The following CLCN7 variants were observed in gnomAD, a reference collection of about 807,000 sequenced individuals.
CLCN7 encodes H(+)/Cl(-) exchange transporter 7.
CLCN7 carries 60 observed loss-of-function variants against 102.1 expected under a neutral mutation model. The observed-to-expected ratio is 0.59, with a 90% CI of 0.48 to 0.73. The LOEUF is 0.73. Ranked by LOEUF, CLCN7 falls within the 30% of genes least tolerant of loss-of-function variation. CLCN7 has a pLI of 0.00. For missense variants in CLCN7, 962 were observed against 1,125.7 expected (o/e 0.85, Z 2.08); for synonymous variants, 560 against 490.5 (o/e 1.14, Z -1.87).
Position 1,460,938 on chromosome 16 carries a change from G to A in CLCN7, c.362C>T (p.Thr121Met). The A allele has an allele frequency of 6.2e-7, 1 of 1,613,452 alleles. No individual in the cohort carries two copies. Among genetic ancestry groups the A allele is most frequent in the South Asian group, 1.1e-5 (1 of 91,084 alleles). The change falls in exon 5 of 25, where the codon ACG becomes ATG. Residue 121 changes from threonine to methionine, a missense_variant. Physicochemically the swap from Thr to Met is moderately conservative, Grantham distance 81. Around this residue, in one of 2 missense-constraint regions of CLCN7, gnomAD observed 799 missense variants for 988.0 expected, o/e 0.81. Coordinates refer to ENST00000382745, the MANE Select transcript of CLCN7 (RefSeq NM_001287.6). ...ERRINHTAFR[T>M]VEIKRWVICA... Reference sequence around the variant, plus strand: ...GATGACCCAGCGCTTGATCTCCACCGTCCGGAAGGCCTGCAGGGCGCGGTC... The same window carrying A: ...GATGACCCAGCGCTTGATCTCCACCATCCGGAAGGCCTGCAGGGCGCGGTC...
Position 1,451,480 on chromosome 16 carries a change from A to G in CLCN7, c.1447+143T>C. 2 of 678,546 alleles carry G rather than the reference A, an allele frequency of 2.9e-6. 1 individual carries two copies. The highest frequency in any genetic ancestry group is 3.3e-5 in the South Asian group (2 of 59,756). 42.0% of individuals were successfully genotyped at this position (678,546 alleles called of 1,614,324 possible). A position where few individuals can be genotyped will look rare whatever the true frequency, so the allele number is the denominator to read the frequency against. Reference sequence around the variant, plus strand: ...TGGTCTCTCCAAGTGCTGGGATTACAGGAGTGAGTCCCTGCTATGATCCAT... The same window carrying G: ...TGGTCTCTCCAAGTGCTGGGATTACGGGAGTGAGTCCCTGCTATGATCCAT... On this transcript the variant is annotated intron_variant, in intron 16 of 24. Coordinates refer to ENST00000382745, the MANE Select transcript of CLCN7 (RefSeq NM_001287.6).
At chr16:1,453,800 T>A in intron 14 of CLCN7, 34 bp downstream of exon 14, 1 of 1,609,056 alleles carries the variant, frequency 6.2e-7, no homozygotes, top group Non-Finnish European at 8.5e-7. Flanking sequence ...TGGCCACGCC[T>A]GCCAACGCGA....
intron 2 of CLCN7, among the ~76,000 whole-genome samples, chr16:1,463,504 C>T (rs1007965593): frequency 2.0e-5 from 3 of 152,176 alleles, no homozygotes; most frequent in African/African-American, 7.2e-5. Context: ...AGACAGGGTC[C>T]CGTCTGTCAC....
chr16:1,468,510 A>T (rs1053838232), intron 1 of CLCN7, among the ~76,000 whole-genome samples: 2 of 152,198 alleles, frequency 1.3e-5, no homozygotes, highest in African/African-American at 4.8e-5. Flanking sequence ...TCTTTTTTAA[A>T]TGCAAGCTCT....
Position 1,446,560 on chromosome 16 carries a change from A to T in CLCN7, c.*71T>A. ...GGAGCATGGTTTGGGCCGAGAAACC[A>T]GTGACTCCGGGAGGAAATGCAGAAG... On this transcript the variant is annotated 3_prime_UTR_variant, in exon 25 of 25. Coordinates refer to ENST00000382745, the MANE Select transcript of CLCN7 (RefSeq NM_001287.6). 1 of 1,366,636 alleles carries T rather than the reference A, an allele frequency of 7.3e-7. No homozygotes were observed. Among genetic ancestry groups the T allele is most frequent in the Non-Finnish European group, 1.0e-6 (1 of 980,316 alleles). 84.7% of individuals were successfully genotyped at this position (1,366,636 alleles called of 1,614,324 possible).
intron 24 of CLCN7, 40 bp downstream of exon 24, chr16:1,446,966 C>T (rs983938907): frequency 9.2e-6 from 14 of 1,516,188 alleles, no homozygotes; most frequent in Non-Finnish European, 1.2e-5. Context: ...CAGAGGGGAG[C>T]CCTGCACGGC....
At chr16:1,470,031 G>A (rs1432412757) in intron 1 of CLCN7, among the ~76,000 whole-genome samples, 2 of 152,268 alleles carry the variant, frequency 1.3e-5, no homozygotes, top group African/African-American at 2.4e-5. Flanking sequence ...AGATGGCAAC[G>A]AGGGGGCTGG....
Position 1,448,962 on chromosome 16 carries a change from G to A in CLCN7, c.1797+4C>T, listed in dbSNP as rs200682842. On this transcript the variant is annotated splice_donor_region_variant and intron_variant, in intron 19 of 24. Coordinates refer to ENST00000382745, the MANE Select transcript of CLCN7 (RefSeq NM_001287.6). ...CAGGGTGAGGCTTCGAGGCCCTGGC[G>A]CACCTCAATGAAGACGTCGCCCACG... 21 of 1,612,180 alleles carry A rather than the reference G, an allele frequency of 1.3e-5. No homozygotes were observed. Among genetic ancestry groups the A allele is most frequent in the Middle Eastern group, 1.6e-4 (1 of 6,080 alleles).
chr16:1,473,915 T>C (rs2039114264), intron 1 of CLCN7, among the ~76,000 whole-genome samples: 1 of 151,618 alleles, frequency 6.6e-6, no homozygotes, highest in African/African-American at 2.4e-5. Context: ...AGGAACCCCG[T>C]CTCTACTAAA....
chr16:1,455,823 C>T, intron 10 of CLCN7, 28 bp from the exon 11 acceptor site: 1 of 1,610,938 alleles, frequency 6.2e-7, no homozygotes, highest in African/African-American at 1.3e-5. Context: ...GGCTCGGGTG[C>T]CAGCTGGACA....
At chr16:1,473,943 G>C (rs2039114702) in intron 1 of CLCN7, among the ~76,000 whole-genome samples, 1 of 152,052 alleles carries the variant, frequency 6.6e-6, no homozygotes, top group Non-Finnish European at 1.5e-5. Flanking sequence ...AATTAGCCGG[G>C]CGCGGTGGCG....
chr16:1,459,218 C>T, intron 6 of CLCN7, 31 bp from the exon 7 acceptor site: 2 of 1,597,928 alleles, frequency 1.3e-6, no homozygotes, highest in Non-Finnish European at 1.7e-6. Flanking sequence ...CTGAGTGGGT[C>T]ACGGCCAGGC....
At position 1,452,768 on chromosome 16, in the gene CLCN7, G is replaced by A; in HGVS notation, c.1340C>T (p.Ser447Phe). The change falls in exon 15 of 25, where the codon TCC (serine) becomes TTC (phenylalanine). Residue 447 changes from serine (S) to phenylalanine (F), a missense_variant. Transcript: ENST00000382745. The part of the protein sequence containing the change: ...DCQPLQGGSM[S>F]YPLQLFCADG... ...CCAGCCTCCCACCTGCAGCGGGTAGGACATGGAGCCCCCCTGCAGGGGCTG... is the reference window on the plus strand; with the variant it reads ...CCAGCCTCCCACCTGCAGCGGGTAGAACATGGAGCCCCCCTGCAGGGGCTG... The A allele has an allele frequency of 6.2e-7, 1 of 1,603,242 alleles. No individual in the cohort carries two copies. Among genetic ancestry groups the A allele is most frequent in the Non-Finnish European group, 8.5e-7 (1 of 1,175,548 alleles).
Position 1,452,901 on chromosome 16 carries a change from C to T in CLCN7, c.1215-8G>A. ...CAGGGCCGGTGGATGTACCTGGAACCAAGAATCAGGCTGCATGGCAGGCAG... is the reference window on the plus strand; with the variant it reads ...CAGGGCCGGTGGATGTACCTGGAACTAAGAATCAGGCTGCATGGCAGGCAG... On this transcript the variant is annotated splice_polypyrimidine_tract_variant and splice_region_variant and intron_variant, in intron 14 of 24. Coordinates refer to ENST00000382745, the MANE Select transcript of CLCN7 (RefSeq NM_001287.6). 2 of 1,563,770 alleles carry T rather than the reference C, an allele frequency of 1.3e-6. No individual in the cohort carries two copies. The highest frequency in any genetic ancestry group is 1.7e-6 in the Non-Finnish European group (2 of 1,154,464).
chr16:1,464,258 A>G (rs947027284), intron 2 of CLCN7, among the ~76,000 whole-genome samples: 1 of 152,188 alleles, frequency 6.6e-6, no homozygotes, highest in African/African-American at 2.4e-5. Flanking sequence ...CATAACCAAC[A>G]CGCGTGTGGC....
At position 1,465,254 on chromosome 16, in the gene CLCN7, A is replaced by G. The variant is rs917715137; in HGVS notation, c.213+13T>C. 4.3e-5 allele frequency: 70 copies of G among 1,611,486 alleles called. No individual in the cohort carries two copies. The highest frequency in any genetic ancestry group is 5.4e-5 in the Non-Finnish European group (64 of 1,178,408). ...CTAGCTCTGCGGGAGGACGGGGAAC[A>G]CCCCCAACTCACCGGGTCCAAAAGT... On this transcript the variant is annotated intron_variant, in intron 2 of 24. Coordinates refer to ENST00000382745, the MANE Select transcript of CLCN7 (RefSeq NM_001287.6).
In CLCN7 at chr16:1,474,927, G is replaced by A. The variant is rs1323328640; in HGVS notation, c.48C>T (p.Asp16=). 4.1e-6 allele frequency: 6 copies of A among 1,477,536 alleles called. No homozygotes were observed. Among genetic ancestry groups the A allele is most frequent in the African/African-American group, 1.5e-5 (1 of 68,242 alleles). 91.5% of individuals were successfully genotyped at this position (1,477,536 alleles called of 1,614,324 possible). ...KKVSWSGRDR[D]DEEAAPLLRR... The stretch of plus-strand genomic sequence containing the variant: ...GCAGCAGCGGCGCCGCCTCCTCGTC[G>A]TCCCGGTCCCGGCCGGACCAGGACA... The change falls in exon 1 of 25, where the codon GAC becomes GAT. Residue 16 remains aspartate (D), a synonymous_variant. Transcript: ENST00000382745.
chr16:1,473,762 A>C (rs2039111815), intron 1 of CLCN7, among the ~76,000 whole-genome samples: 1 of 152,104 alleles, frequency 6.6e-6, no homozygotes, highest in African/African-American at 2.4e-5. Flanking sequence ...ATTAAGACCC[A>C]TCAACAAAAC....
chr16:1,453,756 C>A, intron 14 of CLCN7, 78 bp downstream of exon 14: 1 of 1,361,848 alleles, frequency 7.3e-7, no homozygotes. Context: ...AGTGTAAACC[C>A]CATTCCACCA....
Sources: gnomAD v4.1 joint callset for allele counts (sites outside exome capture counted in the v4.1 genomes callset) on GRCh38, gnomAD v4.1.1 for gene constraint, gnomAD v4.1.1 regional missense constraint, MANE v1.5 for transcripts, NCBI Gene and HGNC (gene_info 2026-07-23, HGNC 2026-07-21) for gene names.